Variants in CSMD1 observed in about 807,000 individuals in gnomAD.
The protein encoded by CSMD1 is CUB and sushi domain-containing protein 1.
CSMD1 carries 213 observed loss-of-function variants against 417.5 expected under a neutral mutation model. The observed-to-expected ratio is 0.51, with a 90% CI of 0.46 to 0.57. The LOEUF (loss-of-function observed/expected upper bound fraction) is 0.57. Ranked by LOEUF, CSMD1 falls within the 20% of genes least tolerant of loss-of-function variation. CSMD1 has a pLI of 0.00. For missense variants in CSMD1, 6,923 were observed against 4,529.7 expected (o/e 1.53, Z -15.17); for synonymous variants, 2,862 against 1,736.8 (o/e 1.65, Z -16.11).
At chr8:3,572,072 G>A (rs1420357585) in intron 10 of CSMD1, among the ~76,000 whole-genome samples, 2 of 152,152 alleles carry the variant, frequency 1.3e-5, no homozygotes, top group East Asian at 3.9e-4. Context: ...TACTGAGTCG[G>A]TGTCCCTGCA....
chr8:4,048,574 G>A (rs1305270962), intron 3 of CSMD1, among the ~76,000 whole-genome samples: 2 of 152,168 alleles, frequency 1.3e-5, no homozygotes, highest in Non-Finnish European at 2.9e-5. Flanking sequence ...GACCTGAGGT[G>A]GTGTGGCTCC....
intron 1 of CSMD1, among the ~76,000 whole-genome samples, chr8:4,929,241 G>C (rs1193431575): frequency 2.6e-5 from 4 of 152,126 alleles, no homozygotes; most frequent in Admixed American, 6.5e-5. Context: ...GCCAGCGAGA[G>C]AGGCTGCAGA....
At chr8:3,427,882 A>G (rs1813956288) in intron 12 of CSMD1, among the ~76,000 whole-genome samples, 1 of 152,242 alleles carries the variant, frequency 6.6e-6, no homozygotes, top group Admixed American at 6.5e-5. Context: ...GTGTAATGTT[A>G]GCATCAGTTT....
chr8:3,128,247 T>A lies in CSMD1; in HGVS notation c.6242-9660A>T, dbSNP rs554631444. 24 of 152,450 alleles carry A rather than the reference T, an allele frequency of 1.6e-4. 1 individual carries two copies. Among genetic ancestry groups the A allele is most frequent in the African/African-American group, 5.8e-4 (24 of 41,562 alleles). 9.4% of individuals were successfully genotyped at this position (152,450 alleles called of 1,614,324 possible). ...CAACGAGACCATGCAGTAATCCCCC[T>A]AATGTCTATTTTCCCGCTAATATCT... On this transcript the variant is annotated intron_variant, in intron 41 of 69. Transcript: ENST00000635120.
At chr8:3,165,580 C>A (rs781564476) in intron 37 of CSMD1, among the ~76,000 whole-genome samples, 1 of 151,844 alleles carries the variant, frequency 6.6e-6, no homozygotes, top group African/African-American at 2.4e-5. Flanking sequence ...TACAGGTGCC[C>A]GCCACCACGC....
chr8:3,454,495 T>C (rs1031922241), intron 12 of CSMD1, among the ~76,000 whole-genome samples: 4 of 152,228 alleles, frequency 2.6e-5, no homozygotes, highest in African/African-American at 7.2e-5. Flanking sequence ...GGAGCTCTTT[T>C]AGGGCAGGAC....
intron 4 of CSMD1, among the ~76,000 whole-genome samples, chr8:4,010,115 C>T (rs1816430537): frequency 6.6e-6 from 1 of 152,194 alleles, no homozygotes; most frequent in Admixed American, 6.5e-5. Context: ...CCTTCTTCCT[C>T]TGATGGAAAC....
intron 6 of CSMD1, among the ~76,000 whole-genome samples, chr8:3,744,249 G>A (rs565764244): frequency 1.3e-5 from 2 of 152,280 alleles, no homozygotes; most frequent in African/African-American, 4.8e-5. Context: ...CAGGAGCATG[G>A]GAAGTTTGGA....
chr8:3,086,689 C>G (rs1814556343), intron 49 of CSMD1, among the ~76,000 whole-genome samples: 1 of 151,986 alleles, frequency 6.6e-6, no homozygotes, highest in Admixed American at 6.5e-5. Context: ...AATAACAAAA[C>G]AAAATCAAAT....
chr8:2,992,819 C>A (rs747470635), intron 54 of CSMD1, among the ~76,000 whole-genome samples: 12 of 152,182 alleles, frequency 7.9e-5, no homozygotes, highest in Non-Finnish European at 7.4e-5. Flanking sequence ...CTCACTGTAG[C>A]CTTGACCTCC....
chr8:3,689,340 G>A (rs941943214), intron 7 of CSMD1, among the ~76,000 whole-genome samples: 2 of 152,136 alleles, frequency 1.3e-5, no homozygotes, highest in African/African-American at 4.8e-5. Flanking sequence ...CTCCAGTATT[G>A]TCCTCCCCTC....
intron 3 of CSMD1, among the ~76,000 whole-genome samples, chr8:4,309,739 TCA>T (rs1465542607): frequency 6.6e-6 from 1 of 152,124 alleles, no homozygotes; most frequent in Non-Finnish European, 1.5e-5. Context: ...AAATAACCTA[TCA>T]CAGTCTATTG....
chr8:3,890,406 C>T (rs1806885858), intron 5 of CSMD1, among the ~76,000 whole-genome samples: 1 of 151,804 alleles, frequency 6.6e-6, no homozygotes, highest in Non-Finnish European at 1.5e-5. Flanking sequence ...ACAAAGGGGA[C>T]ATCAGACGCC....
At chr8:4,903,768 G>A (rs1468553033) in intron 1 of CSMD1, among the ~76,000 whole-genome samples, 3 of 152,154 alleles carry the variant, frequency 2.0e-5, no homozygotes, top group Non-Finnish European at 4.4e-5. Flanking sequence ...AGAGGAGAAG[G>A]ACCTGGAGTC....
chr8:3,260,336 G>A (rs1042073918), intron 26 of CSMD1, among the ~76,000 whole-genome samples: 1 of 152,078 alleles, frequency 6.6e-6, no homozygotes, highest in African/African-American at 2.4e-5. Flanking sequence ...AGGATCAATG[G>A]GAACCAGCAG....
intron 1 of CSMD1, among the ~76,000 whole-genome samples, chr8:4,801,340 A>C (rs1798271305): frequency 6.6e-6 from 1 of 152,118 alleles, no homozygotes; most frequent in African/African-American, 2.4e-5. Context: ...GTGAGCTATA[A>C]ATTGCTGCTG....
intron 5 of CSMD1, among the ~76,000 whole-genome samples, chr8:3,934,594 C>T (rs1428646160): frequency 6.6e-6 from 1 of 152,126 alleles, no homozygotes; most frequent in African/African-American, 2.4e-5. Flanking sequence ...GTGGCTGATG[C>T]CTGTAATCTC....
intron 5 of CSMD1, chr8:3,949,873 C>A: frequency 2.2e-6 from 1 of 455,498 alleles, no homozygotes; most frequent in Non-Finnish European, 4.4e-6. Flanking sequence ...CCTCCTCATT[C>A]AGCCCCAATT....
intron 2 of CSMD1, among the ~76,000 whole-genome samples, chr8:4,607,215 C>A (rs1800923610): frequency 6.6e-6 from 1 of 151,776 alleles, no homozygotes; most frequent in African/African-American, 2.4e-5. Flanking sequence ...GAGAGGTAGA[C>A]AATGGGCAAA....
Sources: gnomAD v4.1 joint callset for allele counts (sites outside exome capture counted in the v4.1 genomes callset) on GRCh38, gnomAD v4.1.1 for gene constraint, MANE v1.5 for transcripts, NCBI Gene and HGNC (gene_info 2026-07-23, HGNC 2026-07-21) for gene names.